Variants in DYNC2LI1 observed in about 807,000 individuals in gnomAD.
DYNC2LI1 encodes the protein cytoplasmic dynein 2 light intermediate chain 1.
DYNC2LI1 carries 45 observed loss-of-function variants against 51.9 expected under a neutral mutation model. The observed-to-expected ratio is 0.87, with a 90% CI of 0.68 to 1.11. The LOEUF (loss-of-function observed/expected upper bound fraction) is 1.11. Ranked by LOEUF, DYNC2LI1 falls within the 50% of genes most tolerant of loss-of-function variation. The pLI is 0.00. For synonymous variants in DYNC2LI1, 130 were observed against 137.8 expected (o/e 0.94, Z 0.40); for missense variants, 490 against 417.4 (o/e 1.17, Z -1.51).
intron 12 of DYNC2LI1, among the ~76,000 whole-genome samples, chr2:43,808,683 A>G (rs1572727179): frequency 6.6e-6 from 1 of 152,232 alleles, no homozygotes; most frequent in African/African-American, 2.4e-5. Context: ...ATAGATGTAT[A>G]TAAAATAGAA....
At chr2:43,811,740 G>A (rs555610832), downstream of DYNC2LI1, among the ~76,000 whole-genome samples, 69 of 151,912 alleles carry the variant, frequency 4.5e-4, no homozygotes, top group Non-Finnish European at 7.1e-4. Flanking sequence ...GACTACAGGC[G>A]CCTGCCACCA....
At chr2:43,791,173 A>T (rs1409428379) in intron 5 of DYNC2LI1, among the ~76,000 whole-genome samples, 1 of 152,186 alleles carries the variant, frequency 6.6e-6, no homozygotes, top group Non-Finnish European at 1.5e-5. Flanking sequence ...GTAAGCTATG[A>T]TCATACCACT....
At chr2:43,824,103 G>A in the DYNC2LI1 span, 1 of 1,614,164 alleles carries the variant, frequency 6.2e-7, no homozygotes, top group Non-Finnish European at 8.5e-7. Context: ...TTCTCACCAA[G>A]TTTCTTGTCA....
At chr2:43,820,509 C>A in the DYNC2LI1 span, among the ~76,000 whole-genome samples, 1 of 152,196 alleles carries the variant, frequency 6.6e-6, no homozygotes, top group Non-Finnish European at 1.5e-5. Context: ...CCAGCACCCC[C>A]TTCCCTGAAC....
intron 4 of DYNC2LI1, among the ~76,000 whole-genome samples, chr2:43,787,857 A>G (rs569702765): frequency 1.2e-4 from 19 of 152,268 alleles, no homozygotes; most frequent in African/African-American, 3.6e-4. Flanking sequence ...TAGAAGGACA[A>G]TCTAGAATGG....
Position 43,794,636 on chromosome 2 carries a change from A to T in DYNC2LI1, c.500A>T (p.Asp167Val). The T allele has an allele frequency of 6.2e-7, 1 of 1,614,082 alleles. No individual in the cohort carries two copies. The highest frequency in any genetic ancestry group is 8.5e-7 in the Non-Finnish European group (1 of 1,179,986). The change falls in exon 6 of 13, where the codon GAT (aspartate) becomes GTT (valine). Residue 167 changes from aspartate (D) to valine (V), a missense_variant. Coordinates refer to ENST00000260605, the MANE Select transcript of DYNC2LI1 (RefSeq NM_016008.4). ...RQKIWNNMPK[D>V]HPDHELIDPF... ...AAGATCTGGAATAATATGCCGAAGG[A>T]TCATCCTGTGAGTTGCTGTTTGGGA...
intron 2 of DYNC2LI1, among the ~76,000 whole-genome samples, chr2:43,778,193 C>G (rs570929040): frequency 6.6e-6 from 1 of 152,162 alleles, no homozygotes; most frequent in Non-Finnish European, 1.5e-5. Flanking sequence ...GACAGGGTCT[C>G]GCTCTGGTTG....
At chr2:43,825,591 T>C in the DYNC2LI1 span, among the ~76,000 whole-genome samples, 17 of 151,064 alleles carry the variant, frequency 1.1e-4, no homozygotes, top group Non-Finnish European at 2.2e-4. Context: ...GCTTAATTTG[T>C]TGTTGTTTTG....
At chr2:43,825,604 GTTA>G in the DYNC2LI1 span, among the ~76,000 whole-genome samples, 10,354 of 151,888 alleles carry the variant, frequency 0.068, 417 homozygotes, top group African/African-American at 0.087. Context: ...TTGTTTTGTT[GTTA>G]TTGTTGTTGT....
At chr2:43,822,789 C>A in the DYNC2LI1 span, 1 of 1,614,132 alleles carries the variant, frequency 6.2e-7, no homozygotes, top group Admixed American at 1.7e-5. Context: ...AACTGAACAA[C>A]CCCTCACCAG....
chr2:43,785,129 C>G (rs10193508), intron 3 of DYNC2LI1, among the ~76,000 whole-genome samples: 18,819 of 151,888 alleles, frequency 0.12, 1,527 homozygotes, highest in Admixed American at 0.22. Flanking sequence ...GAGAACTCGT[C>G]TGTACCAAAA....
At chr2:43,820,248 G>A in the DYNC2LI1 span, 220 of 887,618 alleles carry the variant, frequency 2.5e-4, 3 homozygotes, top group East Asian at 2.4e-3. Flanking sequence ...AGGCCGTTTT[G>A]GAAAGGAGTC....
At chr2:43,828,007 C>T in the DYNC2LI1 span, 27 of 1,613,920 alleles carry the variant, frequency 1.7e-5, no homozygotes, top group Admixed American at 3.3e-5. Context: ...AGCTGGGCTG[C>T]GATGGAGACC....
At chr2:43,823,769 G>T in the DYNC2LI1 span, 1 of 869,716 alleles carries the variant, frequency 1.1e-6, no homozygotes. Context: ...CTCAATAGTT[G>T]CCTTTCCCCA....
intron 2 of DYNC2LI1, among the ~76,000 whole-genome samples, chr2:43,782,858 T>C (rs1436949337): frequency 6.6e-6 from 1 of 152,166 alleles, no homozygotes; most frequent in Non-Finnish European, 1.5e-5. Context: ...GGTGTGCACC[T>C]GTAATCCCAG....
intron 2 of DYNC2LI1, among the ~76,000 whole-genome samples, chr2:43,780,502 C>A (rs185726123): frequency 6.6e-6 from 1 of 152,186 alleles, no homozygotes; most frequent in Non-Finnish European, 1.5e-5. Context: ...TTATAGGTGG[C>A]ACTGGGGAGC....
chr2:43,822,753 A>G, the DYNC2LI1 span: 1 of 1,613,350 alleles, frequency 6.2e-7, no homozygotes. Context: ...TAGCTCCATG[A>G]CTCCATGGGA....
At chr2:43,822,792 C>T in the DYNC2LI1 span, 18 of 1,614,020 alleles carry the variant, frequency 1.1e-5, no homozygotes, top group Non-Finnish European at 1.4e-5. Context: ...TGAACAACCC[C>T]TCACCAGTAG....
At chr2:43,781,607 CTTT>C (rs549678206) in intron 2 of DYNC2LI1, 2 of 76,238 alleles carry the variant, frequency 2.6e-5, no homozygotes. Context: ...TTTTCTTTTT[CTTT>C]TTTTTTTTTT....
Sources: gnomAD v4.1 joint callset for allele counts (sites outside exome capture counted in the v4.1 genomes callset) on GRCh38, gnomAD v4.1.1 for gene constraint, MANE v1.5 for transcripts, NCBI Gene and HGNC (gene_info 2026-07-23, HGNC 2026-07-21) for gene names.